FBXO34: variants seen among roughly 807,000 people sequenced by gnomAD.
FBXO34 encodes the protein F-box protein 34.
In FBXO34, 12 loss-of-function variants were observed where a neutral mutation model predicts 24.5. The observed-to-expected ratio is 0.49, with a 90% CI of 0.31 to 0.79. FBXO34 has a LOEUF of 0.79. Among genes scored for constraint, FBXO34 ranks in the 30% least tolerant of loss-of-function variants. The pLI is 0.04. For synonymous variants in FBXO34, 320 were observed against 311.9 expected (o/e 1.03, Z -0.27); for missense variants, 823 against 857.7 (o/e 0.96, Z 0.51).
the FBXO34 span, among the ~76,000 whole-genome samples, chr14:55,381,768 A>G: frequency 6.6e-6 from 1 of 152,162 alleles, no homozygotes; most frequent in Non-Finnish European, 1.5e-5. Context: ...GGGAAATGTG[A>G]CACTTTCATG....
chr14:55,419,112 G>A, the FBXO34 span, among the ~76,000 whole-genome samples: 1 of 152,234 alleles, frequency 6.6e-6, no homozygotes, highest in Non-Finnish European at 1.5e-5. Flanking sequence ...TTAAGAAGTT[G>A]GCCAGGAGAC....
chr14:55,388,696 C>G, the FBXO34 span, among the ~76,000 whole-genome samples: 3 of 152,176 alleles, frequency 2.0e-5, no homozygotes, highest in Admixed American at 1.3e-4. Context: ...TCAACAACAA[C>G]AAGCTCTTAA....
chr14:55,362,711 C>G (rs758647313), downstream of FBXO34, among the ~76,000 whole-genome samples: 1 of 152,182 alleles, frequency 6.6e-6, no homozygotes, highest in African/African-American at 2.4e-5. Context: ...CTCTCTGCTC[C>G]TATCGTTCTT....
intron 1 of FBXO34, among the ~76,000 whole-genome samples, chr14:55,332,056 A>G (rs1883611239): frequency 7.3e-6 from 1 of 137,904 alleles, no homozygotes; most frequent in Non-Finnish European, 1.5e-5. Context: ...AAATATATAT[A>G]TATATACCAC....
Position 55,296,605 on chromosome 14 carries a change from C to T in FBXO34, c.-11+25068C>T, listed in dbSNP as rs184962323. The stretch of plus-strand genomic sequence containing the variant: ...TAGAGATGGGGTTTCACCATATTGC[C>T]CAGGCTGATCTTGAACTCCTGACCT... On this transcript the variant is annotated intron_variant, in intron 1 of 1. Transcript: ENST00000313833. Among the ~76,000 whole-genome samples the T allele has an allele frequency of 5.3e-5, 8 of 151,730 alleles. No homozygotes were observed. In the East Asian group the frequency reaches 1.6e-3, roughly 29 times the overall value.
chr14:55,303,448 T>TA (rs1267561104), intron 1 of FBXO34, among the ~76,000 whole-genome samples: 3 of 152,192 alleles, frequency 2.0e-5, no homozygotes, highest in Non-Finnish European at 4.4e-5. Context: ...TATTTTGCTT[T>TA]AAAAATTTTG....
At chr14:55,361,355 T>C (rs989577329) in intron 3 of FBXO34, among the ~76,000 whole-genome samples, 10 of 152,232 alleles carry the variant, frequency 6.6e-5, no homozygotes, top group Non-Finnish European at 1.0e-4. Flanking sequence ...AATTGTGGGC[T>C]TAATCTGTAA....
downstream of FBXO34, among the ~76,000 whole-genome samples, chr14:55,355,467 A>G (rs926516357): frequency 3.9e-5 from 6 of 152,194 alleles, no homozygotes; most frequent in African/African-American, 1.4e-4. Context: ...TAGGTTCTGC[A>G]TCGCAGATTC....
downstream of FBXO34, among the ~76,000 whole-genome samples, chr14:55,355,504 G>GA (rs1180684270): frequency 6.6e-6 from 1 of 152,050 alleles, no homozygotes; most frequent in Non-Finnish European, 1.5e-5. Flanking sequence ...AAAATACTCA[G>GA]AAAAAAACAT....
the FBXO34 span, among the ~76,000 whole-genome samples, chr14:55,394,134 G>A: frequency 6.6e-6 from 1 of 151,676 alleles, no homozygotes; most frequent in Non-Finnish European, 1.5e-5. Context: ...AGCCTCCTGA[G>A]TAGCTGGGAT....
At chr14:55,290,311 C>T (rs556987037) in intron 1 of FBXO34, among the ~76,000 whole-genome samples, 1 of 151,802 alleles carries the variant, frequency 6.6e-6, no homozygotes, top group Non-Finnish European at 1.5e-5. Context: ...AGAATCGTTT[C>T]AACCCGGGAG....
At chr14:55,400,994 G>A in the FBXO34 span, among the ~76,000 whole-genome samples, 7 of 151,704 alleles carry the variant, frequency 4.6e-5, no homozygotes, top group African/African-American at 1.7e-4. Flanking sequence ...CAGCAAAATT[G>A]TGGGCAATCC....
chr14:55,286,084 CT>C (rs918428778), intron 1 of FBXO34, among the ~76,000 whole-genome samples: 6 of 151,944 alleles, frequency 3.9e-5, no homozygotes, highest in East Asian at 1.9e-4. Flanking sequence ...TTGATTAGTT[CT>C]TTTTTTTCCT....
intron 1 of FBXO34, among the ~76,000 whole-genome samples, chr14:55,300,487 C>T (rs886872313): frequency 2.6e-5 from 4 of 152,064 alleles, no homozygotes; most frequent in Non-Finnish European, 5.9e-5. Flanking sequence ...CCCAGCTACT[C>T]GGGAGGCTGA....
downstream of FBXO34, chr14:55,370,067 G>T: frequency 3.0e-6 from 2 of 660,388 alleles, no homozygotes; most frequent in Non-Finnish European, 4.7e-6. Context: ...GCAGCACTCC[G>T]TGTTGACATA....
the FBXO34 span, chr14:55,377,739 C>T: frequency 3.8e-5 from 40 of 1,048,982 alleles, no homozygotes; most frequent in African/African-American, 4.8e-5. Context: ...TTAGGGAACA[C>T]GACTCTACTA....
intron 1 of FBXO34, among the ~76,000 whole-genome samples, chr14:55,339,165 T>TTAC (rs1198795634): frequency 2.6e-5 from 4 of 152,186 alleles, no homozygotes; most frequent in African/African-American, 7.2e-5. Flanking sequence ...CATGAAAATG[T>TTAC]TACAATGTCC....
intron 1 of FBXO34, among the ~76,000 whole-genome samples, chr14:55,308,039 A>G (rs1158396391): frequency 6.6e-6 from 1 of 152,136 alleles, no homozygotes; most frequent in African/African-American, 2.4e-5. Context: ...ACGAGATCCG[A>G]TGGTTTTATA....
chr14:55,423,162 C>G, the FBXO34 span, among the ~76,000 whole-genome samples: 4 of 152,154 alleles, frequency 2.6e-5, no homozygotes, highest in Non-Finnish European at 5.9e-5. Context: ...TGGTCGATTT[C>G]TGTCTCTGAT....
Sources: allele counts gnomAD v4.1 joint callset (sites outside exome capture counted in the v4.1 genomes callset), GRCh38; gene constraint gnomAD v4.1.1; transcripts MANE v1.5; gene names NCBI Gene and HGNC (gene_info 2026-07-23, HGNC 2026-07-21).